PRIM2: variants seen among roughly 807,000 people sequenced by gnomAD.
PRIM2 encodes DNA primase subunit 2, also known as DNA primase large subunit.
In PRIM2, 39 loss-of-function variants were observed where a neutral mutation model predicts 67.3. The ratio of observed to expected loss-of-function variants is 0.58; its 90% CI spans 0.45 to 0.76. The LOEUF (loss-of-function observed/expected upper bound fraction) is 0.76, where lower values mean the gene tolerates loss of function less well. PRIM2 is among the 30% of genes least tolerant of loss of function. The pLI is 0.00. For missense variants in PRIM2, 398 were observed against 598.7 expected (o/e 0.66, Z 3.50); for synonymous variants, 143 against 198.7 (o/e 0.72, Z 2.36).
chr6:57,227,876 G>A, the PRIM2 span, among the ~76,000 whole-genome samples: 6 of 152,090 alleles, frequency 3.9e-5, no homozygotes, highest in Middle Eastern at 3.2e-3. Context: ...ACAAAAAAGT[G>A]GTGAGGAAAT....
At chr6:57,466,978 G>A (rs1294802916) in intron 7 of PRIM2, among the ~76,000 whole-genome samples, 1 of 152,040 alleles carries the variant, frequency 6.6e-6, no homozygotes, top group African/African-American at 2.4e-5. Context: ...AATTAGCCAG[G>A]CATGGTGGCA....
At position 57,525,553 on chromosome 6, in the gene PRIM2, G is replaced by A. The variant is rs1554349279; in HGVS notation, c.762-6858G>A. Among the ~76,000 whole-genome samples the A allele has an allele frequency of 9.1e-4, 139 of 152,082 alleles. 1 individual carries two copies. The highest frequency in any genetic ancestry group is 3.0e-3 in the African/African-American group (126 of 41,466). ...TCAGTTCCCCAAGATCACCCCTTCC[G>A]CCCATGGCTCAGCAGGCTTCTCTAT... On this transcript the variant is annotated intron_variant, in intron 8 of 13. Coordinates refer to ENST00000615550, the MANE Select transcript of PRIM2 (RefSeq NM_000947.5).
the PRIM2 span, among the ~76,000 whole-genome samples, chr6:57,254,376 C>G: frequency 6.6e-6 from 1 of 152,212 alleles, no homozygotes; most frequent in South Asian, 2.1e-4. Flanking sequence ...ATAACCCTAA[C>G]TTCCACTATT....
At chr6:57,392,858 A>G (rs547844415) in intron 7 of PRIM2, among the ~76,000 whole-genome samples, 2 of 152,048 alleles carry the variant, frequency 1.3e-5, no homozygotes, top group Non-Finnish European at 2.9e-5. Flanking sequence ...ACATCCTCAT[A>G]GCATAGCTCC....
At chr6:57,320,703 G>T in intron 3 of PRIM2, 143 bp downstream of exon 3, 1 of 546,742 alleles carries the variant, frequency 1.8e-6, no homozygotes, top group East Asian at 3.0e-5. Context: ...CAGTGTATTA[G>T]GGGTGATTGA....
intron 11 of PRIM2, among the ~76,000 whole-genome samples, chr6:57,605,263 G>A (rs1776539281): frequency 6.6e-6 from 1 of 152,192 alleles, no homozygotes; most frequent in Admixed American, 6.5e-5. Context: ...CCGGAGTTTG[G>A]TATCAGGGTG....
At chr6:57,480,691 C>T (rs1350523340) in intron 7 of PRIM2, among the ~76,000 whole-genome samples, 151 of 152,276 alleles carry the variant, frequency 9.9e-4, no homozygotes, top group Admixed American at 1.7e-3. Context: ...TGCAATGGTG[C>T]GATCTCCGCT....
chr6:57,588,921 G>A (rs1423875016), intron 10 of PRIM2, among the ~76,000 whole-genome samples: 4 of 152,046 alleles, frequency 2.6e-5, no homozygotes, highest in African/African-American at 7.2e-5. Flanking sequence ...AATTGATGGT[G>A]ATAGCCACAG....
chr6:57,459,436 A>T (rs968854761), intron 7 of PRIM2, among the ~76,000 whole-genome samples: 2 of 152,236 alleles, frequency 1.3e-5, no homozygotes, highest in African/African-American at 4.8e-5. Flanking sequence ...CCCAAATTTA[A>T]GAATTTCTTC....
chr6:57,286,412 A>G, the PRIM2 span, among the ~76,000 whole-genome samples: 3 of 152,358 alleles, frequency 2.0e-5, no homozygotes, highest in East Asian at 5.8e-4. Context: ...AAACAGATAT[A>G]TAGACAAATG....
intron 7 of PRIM2, among the ~76,000 whole-genome samples, chr6:57,507,135 T>C (rs1295320582): frequency 6.6e-6 from 1 of 152,112 alleles, no homozygotes; most frequent in Non-Finnish European, 1.5e-5. Context: ...TTTTACTCTC[T>C]GTTTTGCTCA....
intron 7 of PRIM2, among the ~76,000 whole-genome samples, chr6:57,446,942 C>T (rs1028288869): frequency 3.9e-5 from 6 of 151,902 alleles, no homozygotes; most frequent in Admixed American, 2.0e-4. Flanking sequence ...CTTGTGGTAC[C>T]TCTTGGGAGC....
At chr6:57,401,754 G>A (rs1770716168) in intron 7 of PRIM2, among the ~76,000 whole-genome samples, 1 of 152,206 alleles carries the variant, frequency 6.6e-6, no homozygotes, top group Non-Finnish European at 1.5e-5. Context: ...GCCCAGGATG[G>A]AGGGCCTGTG....
intron 11 of PRIM2, among the ~76,000 whole-genome samples, chr6:57,604,228 T>C (rs1776521692): frequency 6.6e-6 from 1 of 152,090 alleles, no homozygotes. Context: ...GAGGTTGCAG[T>C]TGGCTGAGAT....
At chr6:57,276,061 C>T in the PRIM2 span, among the ~76,000 whole-genome samples, 1 of 152,256 alleles carries the variant, frequency 6.6e-6, no homozygotes, top group East Asian at 1.9e-4. Flanking sequence ...AAGCAAGTAG[C>T]AGTAGCATGC....
At chr6:57,273,247 G>A in the PRIM2 span, among the ~76,000 whole-genome samples, 3 of 152,140 alleles carry the variant, frequency 2.0e-5, no homozygotes, top group South Asian at 2.1e-4. Context: ...CATTCTCCCC[G>A]TCACTTTCAG....
At chr6:57,447,353 A>T (rs1426273974) in intron 7 of PRIM2, among the ~76,000 whole-genome samples, 1 of 152,206 alleles carries the variant, frequency 6.6e-6, no homozygotes, top group Non-Finnish European at 1.5e-5. Flanking sequence ...ATATGAAACA[A>T]TTGAAGAACA....
At chr6:57,258,007 C>T in the PRIM2 span, among the ~76,000 whole-genome samples, 2 of 152,156 alleles carry the variant, frequency 1.3e-5, no homozygotes, top group Admixed American at 6.5e-5. Flanking sequence ...ACTTGGTTCT[C>T]ATCGGCTGGT....
At chr6:57,505,592 AG>A (rs1399493307) in intron 7 of PRIM2, among the ~76,000 whole-genome samples, 2 of 152,214 alleles carry the variant, frequency 1.3e-5, no homozygotes, top group Non-Finnish European at 2.9e-5. Flanking sequence ...GATTTTAATT[AG>A]GGGTGTGGTT....
Sources: gnomAD v4.1 joint callset for allele counts (sites outside exome capture counted in the v4.1 genomes callset) on GRCh38, gnomAD v4.1.1 for gene constraint, MANE v1.5 for transcripts, NCBI Gene and HGNC (gene_info 2026-07-23, HGNC 2026-07-21) for gene names.